FNIP2: variants seen among roughly 807,000 people sequenced by gnomAD.
FNIP2 encodes folliculin-interacting protein 2.
Under a neutral mutation model 108.7 loss-of-function variants are expected in FNIP2, and 32 were observed. The observed-to-expected ratio is 0.29, with a 90% CI of 0.22 to 0.40. The LOEUF (loss-of-function observed/expected upper bound fraction) is 0.40. Ranked by LOEUF, FNIP2 falls within the 10% of genes least tolerant of loss-of-function variation. FNIP2 has a pLI of 1.00. For synonymous variants in FNIP2, 480 were observed against 496.7 expected (o/e 0.97, Z 0.45); for missense variants, 1,202 against 1,381.6 (o/e 0.87, Z 2.06).
intron 1 of FNIP2, among the ~76,000 whole-genome samples, chr4:158,792,684 TC>T (rs1403097073): frequency 2.0e-5 from 3 of 152,190 alleles, no homozygotes; most frequent in Non-Finnish European, 2.9e-5. Context: ...ACCCTTTATT[TC>T]CCCCTAGAAG....
intron 14 of FNIP2, among the ~76,000 whole-genome samples, chr4:158,884,292 T>TG (rs2126755788): frequency 6.6e-6 from 1 of 152,332 alleles, no homozygotes; most frequent in South Asian, 2.1e-4. Flanking sequence ...ATTTTGCACA[T>TG]GCCCAGCACT....
At chr4:158,823,891 A>T (rs1392744154) in intron 1 of FNIP2, among the ~76,000 whole-genome samples, 1 of 152,196 alleles carries the variant, frequency 6.6e-6, no homozygotes, top group Non-Finnish European at 1.5e-5. Context: ...CTGAGAGTAG[A>T]GGGAAGATGG....
At chr4:158,808,247 G>A (rs1777079780) in intron 1 of FNIP2, among the ~76,000 whole-genome samples, 1 of 152,100 alleles carries the variant, frequency 6.6e-6, no homozygotes, top group African/African-American at 2.4e-5. Context: ...TGAAAGATGG[G>A]GATTGAATGT....
chr4:158,841,978 A>G (rs115154624), intron 7 of FNIP2, among the ~76,000 whole-genome samples: 2,864 of 152,322 alleles, frequency 0.019, 37 homozygotes, highest in Non-Finnish European at 0.027. Context: ...TCCAAATCTA[A>G]AAGTGCCTGG....
chr4:158,795,842 T>C (rs1224203503), intron 1 of FNIP2: 1 of 152,180 alleles, frequency 6.6e-6, no homozygotes, highest in East Asian at 1.9e-4. Context: ...GCGCGCTCCT[T>C]ATGAGAATCT....
intron 14 of FNIP2, 107 bp from the exon 15 acceptor site, chr4:158,891,339 C>T: frequency 9.7e-7 from 1 of 1,034,054 alleles, no homozygotes; most frequent in East Asian, 2.6e-5. Flanking sequence ...TCCATAACTG[C>T]CTGGCTGTCA....
In FNIP2 at chr4:158,834,329, T is replaced by TCTCTCTCTCTCTCTCTCTCC. The variant is rs1194083212; in HGVS notation, c.655+702_655+703insTCTCTCTCTCTCTCTCTCCC. 98 of 149,518 alleles carry TCTCTCTCTCTCTCTCTCTCC rather than the reference T, an allele frequency of 6.6e-4. 2 individuals carry two copies. The highest frequency in any genetic ancestry group is 2.4e-3 in the African/African-American group (93 of 39,192). 9.3% of individuals were successfully genotyped at this position (149,518 alleles called of 1,614,324 possible). A position where few individuals can be genotyped will look rare whatever the true frequency, so the allele number is the denominator to read the frequency against. ...CTCTCTCTCTCTCTCTCTCTCTCTC[T>TCTCTCTCTCTCTCTCTCTCC]CCCTCTCTAAGTAGTGTAAATACAA... On this transcript the variant is annotated intron_variant, in intron 6 of 16. Coordinates refer to ENST00000264433, the MANE Select transcript of FNIP2 (RefSeq NM_020840.3).
chr4:158,872,093 G>T (rs2126714953), intron 14 of FNIP2: 1 of 985,084 alleles, frequency 1.0e-6, no homozygotes, highest in African/African-American at 1.7e-5. Flanking sequence ...CCAGTGAGCT[G>T]CTTCTGACAG....
chr4:158,891,418 A>T, intron 14 of FNIP2, 28 bp from the exon 15 acceptor site: 3 of 1,564,618 alleles, frequency 1.9e-6, no homozygotes, highest in Non-Finnish European at 2.6e-6. Context: ...TGGATAAATA[A>T]ACCCATCCCT....
chr4:158,843,831 CAG>C (rs993957396), intron 7 of FNIP2, among the ~76,000 whole-genome samples: 1 of 152,178 alleles, frequency 6.6e-6, no homozygotes, highest in African/African-American at 2.4e-5. Context: ...CTGCTGAAGA[CAG>C]AGAAGAGTTA....
chr4:158,824,864 T>G (rs967114359), intron 1 of FNIP2, among the ~76,000 whole-genome samples: 6 of 152,166 alleles, frequency 3.9e-5, no homozygotes, highest in Non-Finnish European at 5.9e-5. Flanking sequence ...GCGCATCATT[T>G]GTTTTGCTTC....
intron 1 of FNIP2, among the ~76,000 whole-genome samples, chr4:158,794,429 T>C (rs952163440): frequency 3.3e-5 from 5 of 152,186 alleles, no homozygotes; most frequent in South Asian, 4.1e-4. Context: ...CCCAAAGTAC[T>C]GGGATCACAG....
chr4:158,780,966 C>G (rs575367616), intron 1 of FNIP2, among the ~76,000 whole-genome samples: 1 of 148,918 alleles, frequency 6.7e-6, no homozygotes. Flanking sequence ...ACCCCAGAGG[C>G]GGAGGTTGCA....
chr4:158,885,531 G>A (rs1781981303), intron 14 of FNIP2, among the ~76,000 whole-genome samples: 1 of 152,202 alleles, frequency 6.6e-6, no homozygotes, highest in African/African-American at 2.4e-5. Flanking sequence ...GTCCACAGTT[G>A]CACTATTTGT....
intron 8 of FNIP2, among the ~76,000 whole-genome samples, chr4:158,852,013 T>C (rs1300588735): frequency 6.6e-6 from 1 of 152,216 alleles, no homozygotes; most frequent in African/African-American, 2.4e-5. Flanking sequence ...CTTCCTACAA[T>C]CCAAATACTT....
At chr4:158,835,308 A>G in intron 6 of FNIP2, 97 bp from the exon 7 acceptor site, 4 of 899,094 alleles carry the variant, frequency 4.4e-6, no homozygotes, top group Non-Finnish European at 7.2e-6. Context: ...CATCAGTAGC[A>G]GTAGCCTACT....
rs115699747 is a variant in FNIP2 at position 158,822,338 on chromosome 4, G to A, written c.108-3578G>A. Among the ~76,000 whole-genome samples, 1,358 of 151,052 alleles carry A rather than the reference G, an allele frequency of 9.0e-3. 7 individuals are homozygous for A. The highest frequency in any genetic ancestry group is 0.014 in the Non-Finnish European group (963 of 67,712). On this transcript the variant is annotated intron_variant, in intron 1 of 16. Coordinates refer to ENST00000264433, the MANE Select transcript of FNIP2 (RefSeq NM_020840.3). ...GCTGGGACTACAGGTGTGTACCACC[G>A]TGCCCAGCTAACTTTTTGTATTTTT...
At chr4:158,882,953 G>GCCAAAT (rs1240585871) in intron 14 of FNIP2, among the ~76,000 whole-genome samples, 1 of 150,888 alleles carries the variant, frequency 6.6e-6, no homozygotes, top group Non-Finnish European at 1.5e-5. Flanking sequence ...CTATGACCCT[G>GCCAAAT]CCAAATCCCC....
chr4:158,838,892 A>G (rs1778960486), intron 7 of FNIP2, among the ~76,000 whole-genome samples: 1 of 152,136 alleles, frequency 6.6e-6, no homozygotes, highest in Admixed American at 6.5e-5. Context: ...CTTGAGGAGT[A>G]CTGGTTAGGT....
Sources: allele counts gnomAD v4.1 joint callset (sites outside exome capture counted in the v4.1 genomes callset), GRCh38; gene constraint gnomAD v4.1.1; transcripts MANE v1.5; gene names NCBI Gene and HGNC (gene_info 2026-07-23, HGNC 2026-07-21).